The following DYSF variants were observed in gnomAD, a reference collection of about 807,000 sequenced individuals.
The protein encoded by DYSF is dystrophy-associated fer-1-like 1.
DYSF carries 212 observed loss-of-function variants against 274.9 expected under a neutral mutation model. That is an observed-to-expected ratio of 0.77 (90% CI 0.69 to 0.86). DYSF has a LOEUF of 0.86. DYSF is among the 40% of genes least tolerant of loss of function. The probability of loss-of-function intolerance (pLI) is 0.00; values close to 1 mark genes in which losing one functional copy is unlikely to be tolerated. For missense variants in DYSF, 2,666 were observed against 2,783.2 expected, an observed-to-expected ratio of 0.96 and a Z score of 0.95; for synonymous variants, 1,091 against 1,078.7, an observed-to-expected ratio of 1.01 and a Z score of -0.22.
upstream of DYSF, among the ~76,000 whole-genome samples, chr2:71,462,114 G>A (rs1008307622): frequency 1.3e-5 from 2 of 152,182 alleles, no homozygotes; most frequent in South Asian, 4.1e-4. Flanking sequence ...ACTCAGCCTG[G>A]CAGGCTGTGC....
At chr2:71,685,494 G>A (rs1316858142) in intron 55 of DYSF, among the ~76,000 whole-genome samples, 1 of 152,326 alleles carries the variant, frequency 6.6e-6, no homozygotes, top group East Asian at 1.9e-4. Context: ...GATGAGGGCC[G>A]GGCCCTGGTG....
At chr2:71,509,900 T>C (rs2085902607) in intron 4 of DYSF, among the ~76,000 whole-genome samples, 2 of 152,090 alleles carry the variant, frequency 1.3e-5, no homozygotes, top group Admixed American at 1.3e-4. Context: ...CTCAGCCTCC[T>C]GAGTAGCAGG....
At chr2:71,525,816 C>T (rs2087817899) in intron 12 of DYSF, among the ~76,000 whole-genome samples, 1 of 152,224 alleles carries the variant, frequency 6.6e-6, no homozygotes. Flanking sequence ...CACTCAGTAG[C>T]TAATGGCTGG....
rs749647020 is a variant in DYSF at position 71,590,239 on chromosome 2, C to T, written c.3525C>T (p.Tyr1175=). The T allele has an allele frequency of 1.9e-6, 3 of 1,614,182 alleles. No homozygotes were observed. The highest frequency in any genetic ancestry group is 2.5e-6 in the Non-Finnish European group (3 of 1,180,024). The change falls in exon 32 of 56, where the codon TAC becomes TAT. Residue 1175 remains tyrosine (Y), a synonymous_variant. Coordinates refer to ENST00000410020, the MANE Select transcript of DYSF (RefSeq NM_001130987.2). ...GGAACCGCTACCATCTACGCTGCTA[C>T]ATGTACCAGGCCCGGGACCTGGCTG... ...DYGNRYHLRC[Y]MYQARDLAAM...
In DYSF at chr2:71,612,697, C is replaced by T. The variant is rs1408610047; in HGVS notation, c.4278C>T (p.Asn1426=). The change falls in exon 39 of 56, where the codon AAC becomes AAT. Residue 1426 remains asparagine (N), a synonymous_variant. Transcript: ENST00000410020. ...CCATCACCGTCAAGGTCATCGATAACCGCCAGTTTGGCCGCCGGCCTGTGG... is the reference window on the plus strand; with the variant it reads ...CCATCACCGTCAAGGTCATCGATAATCGCCAGTTTGGCCGCCGGCCTGTGG... The part of the protein sequence containing the change: ...CPPITVKVID[N]RQFGRRPVVG... The T allele has an allele frequency of 1.2e-6, 2 of 1,614,216 alleles. No homozygotes were observed. Among genetic ancestry groups the T allele is most frequent in the African/African-American group, 1.3e-5 (1 of 75,052 alleles).
At chr2:71,579,716 G>A (rs1037249207) in intron 30 of DYSF, among the ~76,000 whole-genome samples, 2 of 152,168 alleles carry the variant, frequency 1.3e-5, no homozygotes, top group African/African-American at 2.4e-5. Flanking sequence ...GCCACTAGCC[G>A]TGGGTGGCTA....
chr2:71,641,889 A>G (rs1032767461), intron 41 of DYSF, among the ~76,000 whole-genome samples: 10 of 152,308 alleles, frequency 6.6e-5, no homozygotes, highest in Non-Finnish European at 4.4e-5. Context: ...CTGGGACTTT[A>G]CTGAGATTTG....
At chr2:71,621,916 C>A (rs1443837559) in intron 41 of DYSF, among the ~76,000 whole-genome samples, 1 of 152,106 alleles carries the variant, frequency 6.6e-6, no homozygotes, top group African/African-American at 2.4e-5. Context: ...GCCTCGGCCT[C>A]CCAAAGTGCT....
At chr2:71,457,760 A>T (rs945023808) in intron 1 of DYSF, among the ~76,000 whole-genome samples, 1 of 152,200 alleles carries the variant, frequency 6.6e-6, no homozygotes, top group African/African-American at 2.4e-5. Context: ...CGTTCCGGGC[A>T]AGCTCACAGC....
At chr2:71,525,903 C>T (rs1038845222) in intron 12 of DYSF, among the ~76,000 whole-genome samples, 1 of 152,064 alleles carries the variant, frequency 6.6e-6, no homozygotes, top group Non-Finnish European at 1.5e-5. Context: ...ATGTTTTAAC[C>T]GGGAGGTGGG....
intron 40 of DYSF, among the ~76,000 whole-genome samples, chr2:71,617,211 A>G (rs2152884256): frequency 6.6e-6 from 1 of 152,336 alleles, no homozygotes; most frequent in South Asian, 2.1e-4. Context: ...AGGTGGGAAT[A>G]TGTGAGTGTT....
rs1640521908 is a variant in DYSF, at chr2:71,568,311, G to A, written c.2837G>A (p.Gly946Glu). 1.9e-6 allele frequency: 3 copies of A among 1,614,216 alleles called. No individual in the cohort carries two copies. Among genetic ancestry groups the A allele is most frequent in the Non-Finnish European group, 2.5e-6 (3 of 1,180,040 alleles). The change falls in exon 26 of 56, where the codon GGA becomes GAA. Residue 946 changes from glycine (G) to glutamate (E), a missense_variant. Coordinates refer to ENST00000410020, the MANE Select transcript of DYSF (RefSeq NM_001130987.2). ...CCCTCGGCCGGCTGGACCTGGGCTG[G>A]AGATTGGTTCGTGTGTCCGGAGAAG... ...FRPSAGWTWA[G>E]DWFVCPEKTL...
At chr2:71,510,469 G>C (rs1008285061) in intron 4 of DYSF, among the ~76,000 whole-genome samples, 3 of 152,236 alleles carry the variant, frequency 2.0e-5, no homozygotes, top group African/African-American at 7.2e-5. Flanking sequence ...AAGGGTCTCA[G>C]TTGCCTTTGT....
chr2:71,667,535 G>A lies in DYSF; in HGVS notation c.5457+20G>A. 2 of 1,613,816 alleles carry A rather than the reference G, an allele frequency of 1.2e-6. No homozygotes were observed. The highest frequency in any genetic ancestry group is 1.7e-6 in the Non-Finnish European group (2 of 1,179,886). Reference sequence around the variant, plus strand: ...GAGCAGGTAGGACCTTGACCCTTGGGTCCCAGAGTCCTCGAACTCCAGAAA... The same window carrying A: ...GAGCAGGTAGGACCTTGACCCTTGGATCCCAGAGTCCTCGAACTCCAGAAA... On this transcript the variant is annotated intron_variant, in intron 48 of 55. Coordinates refer to ENST00000410020, the MANE Select transcript of DYSF (RefSeq NM_001130987.2).
In DYSF at chr2:71,611,276, C is replaced by T; in HGVS notation, c.3989C>T (p.Pro1330Leu). ...SEDTDLPYPPPQREANIYMVP... is the reference protein window; with the variant it reads ...SEDTDLPYPPLQREANIYMVP... ...GACACAGACCTGCCCTACCCACCAC[C>T]CCAGAGGGAGGCCAACATCTACATG... is the stretch of plus-strand genomic sequence containing the variant. Residue 1330 changes from proline (P) to leucine (L), a missense_variant, in exon 37 of 56, where the codon CCC becomes CTC. Physicochemically the swap from Pro to Leu is moderately conservative, Grantham distance 98. Coordinates refer to ENST00000410020, the MANE Select transcript of DYSF (RefSeq NM_001130987.2). 1 of 1,614,066 alleles carries T rather than the reference C, an allele frequency of 6.2e-7. No individual in the cohort carries two copies. Among genetic ancestry groups the T allele is most frequent in the Non-Finnish European group, 8.5e-7 (1 of 1,179,916 alleles).
rs118171883 is a variant in DYSF at position 71,652,718 on chromosome 2, T to C, written c.4627-3444T>C. Among the ~76,000 whole-genome samples the C allele has an allele frequency of 8.9e-3, 1,350 of 152,336 alleles. 66 individuals carry two copies. Among genetic ancestry groups the C allele is most frequent in the Admixed American group, 0.076 (1,168 of 15,298 alleles). ...TGGAACTTAATGTTTTAAAATTTCA[T>C]CTGGAAGAACATCAGGTAACGAAAC... On this transcript the variant is annotated intron_variant, in intron 42 of 55. Transcript: ENST00000410020.
In DYSF at chr2:71,679,658, G is replaced by A. The variant is rs149862153; in HGVS notation, c.6063+423G>A. 8.4e-4 allele frequency among the ~76,000 whole-genome samples: 128 copies of A among 152,242 alleles called. 1 individual carries two copies. Among genetic ancestry groups the A allele is most frequent in the Middle Eastern group, 3.4e-3 (1 of 294 alleles). On this transcript the variant is annotated intron_variant, in intron 53 of 55. Transcript: ENST00000410020. ...GCTTAGAGGGGTGACTGGAGGGCCC[G>A]AGAGAACCGTCCTTCCCCTGAGTCC...
chr2:71,677,823 A>C (rs2095245478), intron 52 of DYSF, among the ~76,000 whole-genome samples: 1 of 152,232 alleles, frequency 6.6e-6, no homozygotes, highest in South Asian at 2.1e-4. Context: ...TAATGAACAA[A>C]GAATCCTACT....
intron 41 of DYSF, 57 bp downstream of exon 41, chr2:71,620,666 AG>A: frequency 9.6e-6 from 5 of 522,186 alleles, no homozygotes; most frequent in Non-Finnish European, 1.6e-5. Flanking sequence ...GGCTGGGGGT[AG>A]GGGGGTTAGG....
Sources: allele counts gnomAD v4.1 joint callset (sites outside exome capture counted in the v4.1 genomes callset), GRCh38; gene constraint gnomAD v4.1.1; transcripts MANE v1.5; gene names NCBI Gene and HGNC (gene_info 2026-07-23, HGNC 2026-07-21).